CCNB2: variants seen among roughly 807,000 people sequenced by gnomAD.
CCNB2 encodes the protein cyclin B2, also known as G2/mitotic-specific cyclin-B2.
A neutral mutation model predicts 51.1 loss-of-function variants in CCNB2; 39 were observed. The ratio of observed to expected loss-of-function variants is 0.76; its 90% CI spans 0.59 to 1.00. The LOEUF is 1.00. Among genes scored for constraint, CCNB2 ranks in the 50% least tolerant of loss-of-function variants. The pLI is 0.00. For synonymous variants in CCNB2, 174 were observed against 165.5 expected, an observed-to-expected ratio of 1.05 and a Z score of -0.40; for missense variants, 472 against 470.3, an observed-to-expected ratio of 1.00 and a Z score of -0.03.
intron 7 of CCNB2, among the ~76,000 whole-genome samples, chr15:59,122,223 TAA>T (rs1437160637): frequency 2.7e-5 from 4 of 146,202 alleles, no homozygotes; most frequent in African/African-American, 1.0e-4. Flanking sequence ...AACTCTTAAA[TAA>T]AGTCAGTTGA....
chr15:59,120,922 G>T (rs2140290748), intron 7 of CCNB2: 1 of 152,274 alleles, frequency 6.6e-6, no homozygotes, highest in Non-Finnish European at 1.5e-5. Flanking sequence ...GTGTTGTGCA[G>T]TAAGATGTAT....
chr15:59,123,098 T>C (rs113836308), intron 7 of CCNB2, among the ~76,000 whole-genome samples: 3 of 152,346 alleles, frequency 2.0e-5, no homozygotes, highest in South Asian at 2.1e-4. Flanking sequence ...GTATGTCTGT[T>C]TGGGCTCTTG....
intron 3 of CCNB2, among the ~76,000 whole-genome samples, chr15:59,110,658 T>A (rs1226624054): frequency 6.6e-6 from 1 of 152,244 alleles, no homozygotes; most frequent in Non-Finnish European, 1.5e-5. Flanking sequence ...CCCAGTCTTC[T>A]AACCAAATTT....
At chr15:59,121,959 A>AG (rs2079303851) in intron 7 of CCNB2, among the ~76,000 whole-genome samples, 1 of 143,842 alleles carries the variant, frequency 7.0e-6, no homozygotes, top group South Asian at 2.2e-4. Flanking sequence ...AAAAAAAAAA[A>AG]AAGGAGAAAT....
chr15:59,114,955 G>A, intron 5 of CCNB2, 79 bp downstream of exon 5: 1 of 1,397,318 alleles, frequency 7.2e-7, no homozygotes, highest in Non-Finnish European at 9.7e-7. Context: ...AAACTAAAGT[G>A]GGTACTTCTG....
Position 59,114,586 on chromosome 15 carries a change from A to T in CCNB2, c.410A>T (p.Asp137Val), listed in dbSNP as rs534109952. 2 of 1,602,334 alleles carry T rather than the reference A, an allele frequency of 1.2e-6. No homozygotes were observed. Among genetic ancestry groups the T allele is most frequent in the South Asian group, 1.1e-5 (1 of 89,948 alleles). The change falls in exon 4 of 9, where the codon GAT becomes GTT. Residue 137 changes from aspartate to valine, a missense_variant. Asp to Val is a radical substitution (Grantham distance 152, BLOSUM62 -3). Transcript: ENST00000288207. ...CAGCTCTGCAGTGACTACGTTAAGGATATCTATCAGTATCTCAGGCAGCTG... is the reference window on the plus strand; with the variant it reads ...CAGCTCTGCAGTGACTACGTTAAGGTTATCTATCAGTATCTCAGGCAGCTG... ...NPQLCSDYVK[D>V]IYQYLRQLEV... is the part of the protein sequence containing the mutation.
intron 7 of CCNB2, among the ~76,000 whole-genome samples, chr15:59,119,517 CT>C (rs1566957603): frequency 1.3e-5 from 2 of 150,952 alleles, no homozygotes; most frequent in Non-Finnish European, 2.9e-5. Context: ...ACTGTGCATC[CT>C]TAGTGGGATT....
chr15:59,124,469 A>G (rs2079316760), intron 8 of CCNB2: 1 of 397,320 alleles, frequency 2.5e-6, no homozygotes, highest in African/African-American at 2.1e-5. Context: ...TAGGTGTCGT[A>G]AACACAGCTC....
At chr15:59,109,708 C>T (rs971018664) in intron 3 of CCNB2, among the ~76,000 whole-genome samples, 12 of 151,684 alleles carry the variant, frequency 7.9e-5, no homozygotes, top group East Asian at 1.9e-4. Flanking sequence ...AAACTTTGGC[C>T]GGGTGCAGTG....
At chr15:59,120,419 G>C (rs984436888) in intron 7 of CCNB2, among the ~76,000 whole-genome samples, 1 of 152,138 alleles carries the variant, frequency 6.6e-6, no homozygotes, top group Non-Finnish European at 1.5e-5. Flanking sequence ...GAGCCCAGGA[G>C]TTGGAGGCTG....
Position 59,116,702 on chromosome 15 carries a change from T to G in CCNB2, c.610T>G (p.Ser204Ala). 1 of 1,610,000 alleles carries G rather than the reference T, an allele frequency of 6.2e-7. No homozygotes were observed. The highest frequency in any genetic ancestry group is 8.5e-7 in the Non-Finnish European group (1 of 1,178,106). ...MDRFLQVQPV[S>A]RKKLQLVGIT... ...AATTTTCCATTAGGTTCAGCCAGTT[T>G]CCCGGAAGAAGCTTCAATTAGTTGG... The change falls in exon 6 of 9, where the codon TCC (serine) becomes GCC (alanine). Residue 204 changes from serine to alanine, a missense_variant. Transcript: ENST00000288207.
At chr15:59,112,427 C>T (rs370804508) in intron 3 of CCNB2, among the ~76,000 whole-genome samples, 52 of 152,084 alleles carry the variant, frequency 3.4e-4, no homozygotes, top group African/African-American at 1.2e-3. Context: ...TCACTGCAAC[C>T]TCTGCCTCCC....
At chr15:59,123,073 T>C (rs1169271695) in intron 7 of CCNB2, among the ~76,000 whole-genome samples, 1 of 152,218 alleles carries the variant, frequency 6.6e-6, no homozygotes, top group African/African-American at 2.4e-5. Context: ...TCCGAACATC[T>C]TTCCCTGACT....
At position 59,116,888 on chromosome 15, in the gene CCNB2, C is replaced by G. The variant is rs552125926; in HGVS notation, c.796C>G (p.Pro266Ala). Residue 266 changes from proline to alanine, a missense_variant, in exon 6 of 9, where the codon CCA becomes GCA. Coordinates refer to ENST00000288207, the MANE Select transcript of CCNB2 (RefSeq NM_004701.4). Reference sequence around the variant, plus strand: ...GAAATTTGAGTTGGGTCGACCCTTGCCACTACACTTCTTAAGGCGAGCATC... The same window carrying G: ...GAAATTTGAGTTGGGTCGACCCTTGGCACTACACTTCTTAAGGCGAGCATC... ...ELKFELGRPL[P>A]LHFLRRASKA... The G allele has an allele frequency of 6.2e-7, 1 of 1,614,146 alleles. No homozygotes were observed. Among genetic ancestry groups the G allele is most frequent in the South Asian group, 1.1e-5 (1 of 91,080 alleles).
chr15:59,114,511 C>G lies in CCNB2; in HGVS notation c.335C>G (p.Ala112Gly), dbSNP rs144226046. 19 of 1,613,798 alleles carry G rather than the reference C, an allele frequency of 1.2e-5. No individual in the cohort carries two copies. In the African/African-American group the frequency reaches 2.3e-4, roughly 19 times the overall value. ...AATCTCTGCCAAGCTTTTTCTGATG[C>G]CTTGCTCTGCAAAATCGAGGACATT... is the stretch of plus-strand genomic sequence containing the variant. ...EENLCQAFSD[A>G]LLCKIEDIDN... Residue 112 changes from alanine to glycine, a missense_variant, in exon 4 of 9, where the codon GCC (alanine) becomes GGC (glycine). Physicochemically the swap from Ala to Gly is moderately conservative, Grantham distance 60 (BLOSUM62 0). Transcript: ENST00000288207.
intron 8 of CCNB2, 43 bp downstream of exon 8, chr15:59,123,670 C>G: frequency 1.2e-5 from 13 of 1,046,510 alleles, no homozygotes; most frequent in East Asian, 2.7e-5. Flanking sequence ...GCTTTAGGTT[C>G]TGGGTTTTGT....
At chr15:59,118,950 A>G (rs1050432108) in intron 7 of CCNB2, among the ~76,000 whole-genome samples, 4 of 152,188 alleles carry the variant, frequency 2.6e-5, no homozygotes, top group Non-Finnish European at 5.9e-5. Context: ...CATTTTATGC[A>G]AGAAAGTGTG....
intron 7 of CCNB2, among the ~76,000 whole-genome samples, chr15:59,122,988 A>C (rs1408543938): frequency 1.3e-5 from 2 of 152,228 alleles, no homozygotes; most frequent in African/African-American, 4.8e-5. Context: ...ACAGGGTTCA[A>C]CAAGAGAATC....
intron 7 of CCNB2, among the ~76,000 whole-genome samples, chr15:59,117,575 C>T (rs2079284356): frequency 6.6e-6 from 1 of 152,128 alleles, no homozygotes; most frequent in Non-Finnish European, 1.5e-5. Flanking sequence ...CTCAAGTAAT[C>T]CTCCTACCTC....
Sources: allele counts gnomAD v4.1 joint callset (sites outside exome capture counted in the v4.1 genomes callset), GRCh38; gene constraint gnomAD v4.1.1; transcripts MANE v1.5; gene names NCBI Gene and HGNC (gene_info 2026-07-23, HGNC 2026-07-21).